Variants in SNTG1 observed in about 807,000 individuals in gnomAD.
SNTG1 encodes the protein gamma-1-syntrophin.
SNTG1 carries 39 observed loss-of-function variants against 74.7 expected under a neutral mutation model. The ratio of observed to expected loss-of-function variants is 0.52; its 90% confidence interval spans 0.40 to 0.68. SNTG1 has a LOEUF of 0.68. Ranked by LOEUF, SNTG1 falls within the 30% of genes least tolerant of loss-of-function variation. The pLI is 0.00. For missense variants in SNTG1, 685 were observed against 609.5 expected (o/e 1.12, Z -1.30); for synonymous variants, 254 against 217.1 (o/e 1.17, Z -1.49).
rs764241381 is a variant in SNTG1, at chr8:50,721,258, C to T, written c.1284+12280C>T. Among the ~76,000 whole-genome samples, 11 of 152,288 alleles carry T rather than the reference C, an allele frequency of 7.2e-5. No homozygotes were observed. In the South Asian group the frequency reaches 2.3e-3, roughly 32 times the overall value. ...TATCCCTGTTTTCTGATGGAGCTAG[C>T]AGCCAGCTTTGTACCTGTATTGTAA... On this transcript the variant is annotated intron_variant, in intron 17 of 18. Transcript: ENST00000642720.
chr8:50,410,886 G>A (rs1367381213), intron 4 of SNTG1, among the ~76,000 whole-genome samples: 1 of 152,034 alleles, frequency 6.6e-6, no homozygotes, highest in Non-Finnish European at 1.5e-5. Context: ...GTATATATAT[G>A]CTTTATCCAT....
chr8:50,609,403 A>C (rs756440107), intron 13 of SNTG1, among the ~76,000 whole-genome samples: 27 of 152,256 alleles, frequency 1.8e-4, no homozygotes, highest in Admixed American at 2.6e-4. Flanking sequence ...ATATAAAGTT[A>C]GCTGTTACAC....
chr8:49,969,290 G>A (rs547110481), intron 1 of SNTG1, among the ~76,000 whole-genome samples: 19 of 151,530 alleles, frequency 1.3e-4, no homozygotes, highest in South Asian at 4.2e-4. Flanking sequence ...GGAAACCTTG[G>A]ATTTGCTTCA....
chr8:50,618,185 G>C (rs2094897816), intron 13 of SNTG1, among the ~76,000 whole-genome samples: 1 of 152,144 alleles, frequency 6.6e-6, no homozygotes, highest in African/African-American at 2.4e-5. Flanking sequence ...ATAGTCAAAA[G>C]AGAAACAACC....
chr8:50,206,966 G>T (rs564155538), intron 2 of SNTG1, among the ~76,000 whole-genome samples: 13 of 152,236 alleles, frequency 8.5e-5, no homozygotes, highest in African/African-American at 2.9e-4. Context: ...GTTTTGGTTT[G>T]CCAGTATTTT....
At chr8:50,495,200 T>A (rs952412748) in intron 8 of SNTG1, among the ~76,000 whole-genome samples, 1 of 152,124 alleles carries the variant, frequency 6.6e-6, no homozygotes, top group Non-Finnish European at 1.5e-5. Flanking sequence ...AGACTAGAAA[T>A]GCCTATTGAA....
At position 50,367,806 on chromosome 8, in the gene SNTG1, C is replaced by A. The variant is rs182522082; in HGVS notation, c.-27-26406C>A. 3.3e-3 allele frequency among the ~76,000 whole-genome samples: 505 copies of A among 152,178 alleles called. 1 individual carries two copies. The highest frequency in any genetic ancestry group is 5.4e-3 in the Non-Finnish European group (370 of 68,006). ...ACACACACACACACGCACACATGCA[C>A]CCTACTGGTTTTGCTTCTCTGGAAA... On this transcript the variant is annotated intron_variant, in intron 2 of 18. Coordinates refer to ENST00000642720, the MANE Select transcript of SNTG1 (RefSeq NM_018967.5).
intron 13 of SNTG1, among the ~76,000 whole-genome samples, chr8:50,601,470 T>C (rs947642052): frequency 2.6e-5 from 4 of 152,164 alleles, no homozygotes; most frequent in Non-Finnish European, 4.4e-5. Flanking sequence ...TTTCATTCCA[T>C]TGCAGTCAGA....
At chr8:50,398,673 T>A (rs943652216) in intron 3 of SNTG1, among the ~76,000 whole-genome samples, 1 of 152,200 alleles carries the variant, frequency 6.6e-6, no homozygotes, top group African/African-American at 2.4e-5. Flanking sequence ...ACGCCTGTAA[T>A]CCCAGCACTT....
intron 1 of SNTG1, among the ~76,000 whole-genome samples, chr8:49,989,107 A>C (rs1813443822): frequency 6.6e-6 from 1 of 151,938 alleles, no homozygotes; most frequent in South Asian, 2.1e-4. Context: ...GAGTCACTAA[A>C]AATAAATTTT....
Position 50,642,207 on chromosome 8 carries a change from T to C in SNTG1, c.850-14702T>C, listed in dbSNP as rs537598602. Among the ~76,000 whole-genome samples the C allele has an allele frequency of 3.3e-5, 5 of 152,252 alleles. No homozygotes were observed. The South Asian group carries it at 8.3e-4, about 25-fold the overall frequency. Reference sequence around the variant, plus strand: ...TTTCACACCAGAAGTAAAATTCTACTTTCAAAATAGATCGAGTTAAACTAC... The same window carrying C: ...TTTCACACCAGAAGTAAAATTCTACCTTCAAAATAGATCGAGTTAAACTAC... On this transcript the variant is annotated intron_variant, in intron 13 of 18. Transcript: ENST00000642720.
At chr8:50,061,331 A>G (rs535330898) in intron 1 of SNTG1, among the ~76,000 whole-genome samples, 75 of 152,222 alleles carry the variant, frequency 4.9e-4, no homozygotes, top group African/African-American at 1.7e-3. Flanking sequence ...GTGTTCCACA[A>G]TTACCTTTTT....
intron 1 of SNTG1, among the ~76,000 whole-genome samples, chr8:50,040,471 C>T (rs1818542562): frequency 6.6e-6 from 1 of 152,052 alleles, no homozygotes; most frequent in South Asian, 2.1e-4. Flanking sequence ...TTGTTAGTGG[C>T]CACTTGGAAT....
intron 9 of SNTG1, among the ~76,000 whole-genome samples, chr8:50,509,475 G>C (rs1026985024): frequency 6.6e-6 from 1 of 151,822 alleles, no homozygotes; most frequent in Non-Finnish European, 1.5e-5. Flanking sequence ...AGCTTGATGG[G>C]GATGGCATTG....
chr8:49,985,339 T>C (rs1453865715), intron 1 of SNTG1, among the ~76,000 whole-genome samples: 2 of 152,058 alleles, frequency 1.3e-5, no homozygotes, highest in African/African-American at 4.8e-5. Flanking sequence ...CCGTGTTGGC[T>C]AGGCTGGTCC....
chr8:50,756,870 A>G (rs185152584), intron 18 of SNTG1, among the ~76,000 whole-genome samples: 63 of 151,906 alleles, frequency 4.1e-4, no homozygotes, highest in Admixed American at 3.4e-3. Context: ...ACTGACATCC[A>G]GACAATATTG....
chr8:50,270,850 A>G (rs760628351), intron 2 of SNTG1, among the ~76,000 whole-genome samples: 3 of 152,202 alleles, frequency 2.0e-5, no homozygotes, highest in East Asian at 1.9e-4. Context: ...TAGAGTTTCA[A>G]TAAAGAATCA....
chr8:50,775,846 C>T (rs980579111), intron 18 of SNTG1, among the ~76,000 whole-genome samples: 1 of 151,474 alleles, frequency 6.6e-6, no homozygotes, highest in African/African-American at 2.4e-5. Flanking sequence ...TAGATTTATG[C>T]TTGTATTATT....
intron 18 of SNTG1, among the ~76,000 whole-genome samples, chr8:50,777,611 T>A (rs967011812): frequency 2.0e-5 from 3 of 151,376 alleles, no homozygotes; most frequent in Admixed American, 6.6e-5. Context: ...TTCTAAAATC[T>A]ATGTCATCTC....
Sources: allele counts gnomAD v4.1 joint callset (sites outside exome capture counted in the v4.1 genomes callset), GRCh38; gene constraint gnomAD v4.1.1; transcripts MANE v1.5; gene names NCBI Gene and HGNC (gene_info 2026-07-23, HGNC 2026-07-21).